CHTOP: variants seen among roughly 807,000 people sequenced by gnomAD.
CHTOP encodes the protein chromatin target of PRMT1 protein.
CHTOP carries 18 observed loss-of-function variants against 33.6 expected under a neutral mutation model. The observed-to-expected ratio is 0.54, with a 90% CI of 0.37 to 0.80. The LOEUF is 0.80. Ranked by LOEUF, CHTOP falls within the 30% of genes least tolerant of loss-of-function variation. The pLI, the probability that CHTOP is intolerant of heterozygous loss-of-function variation, is 0.00. For missense variants in CHTOP, 263 were observed against 336.8 expected (o/e 0.78, Z 1.71); for synonymous variants, 117 against 127.7 (o/e 0.92, Z 0.56).
intron 5 of CHTOP, chr1:153,644,356 A>G (rs2101695119): frequency 6.6e-6 from 1 of 152,350 alleles, no homozygotes; most frequent in East Asian, 1.9e-4. Flanking sequence ...AGGGTGGGAG[A>G]GACTAAAATA....
intron 3 of CHTOP, 69 bp from the exon 4 acceptor site, chr1:153,642,177 C>CT (rs1330562690): frequency 7.3e-7 from 1 of 1,378,568 alleles, no homozygotes; most frequent in Non-Finnish European, 1.0e-6. Context: ...TTTCTCTGCA[C>CT]TTTGAGTTGC....
At chr1:153,635,445 C>G (rs549969945) in intron 1 of CHTOP, among the ~76,000 whole-genome samples, 28 of 152,084 alleles carry the variant, frequency 1.8e-4, no homozygotes, top group Non-Finnish European at 3.2e-4. Context: ...AAGCACCGCG[C>G]CCGCCCTGTC....
chr1:153,644,882 T>C (rs928018671), intron 5 of CHTOP, among the ~76,000 whole-genome samples, 182 bp from the exon 6 acceptor site: 1 of 152,274 alleles, frequency 6.6e-6, no homozygotes, highest in Non-Finnish European at 1.5e-5. Flanking sequence ...GGATTCATTA[T>C]GTGTGCTTTC....
chr1:153,638,390 G>A lies in CHTOP; in HGVS notation c.161G>A (p.Arg54Lys). The change falls in exon 3 of 6, where the codon AGA becomes AAA. Residue 54 changes from arginine to lysine, a missense_variant. By Grantham distance (26) the Arg-to-Lys change is conservative. Coordinates refer to ENST00000368694, the MANE Select transcript of CHTOP (RefSeq NM_015607.4). ...CAGCTAGCCAGTGCCAGAAACAGAAGACTGGCCCAGCAGATGGAGAATAGA... is the reference window on the plus strand; with the variant it reads ...CAGCTAGCCAGTGCCAGAAACAGAAAACTGGCCCAGCAGATGGAGAATAGA... The part of the protein sequence containing the change: ...QQQLASARNR[R>K]LAQQMENRPS... 6.2e-7 allele frequency: 1 copy of A among 1,614,250 alleles called. No individual in the cohort carries two copies. The highest frequency in any genetic ancestry group is 8.5e-7 in the Non-Finnish European group (1 of 1,180,040).
chr1:153,634,822 A>G (rs1266841115), intron 1 of CHTOP, among the ~76,000 whole-genome samples: 1 of 149,748 alleles, frequency 6.7e-6, no homozygotes, highest in Non-Finnish European at 1.5e-5. Context: ...GCATGCATAT[A>G]TATATGTATA....
intron 2 of CHTOP, 65 bp downstream of exon 2, chr1:153,636,718 TCCAATGCACAAAG>T: frequency 7.0e-7 from 1 of 1,420,534 alleles, no homozygotes; most frequent in African/African-American, 1.4e-5. Context: ...GGCCCTGGGG[TCCAATGCACAAAG>T]CCAATTTTAA....
intron 1 of CHTOP, among the ~76,000 whole-genome samples, chr1:153,635,468 T>A (rs560035923): frequency 6.6e-6 from 1 of 151,996 alleles, no homozygotes; most frequent in East Asian, 1.9e-4. Context: ...GCCCTATGTT[T>A]TAAAAGCTCC....
intron 5 of CHTOP, 24 bp from the exon 6 acceptor site, chr1:153,645,034 CTTTTTT>C (rs375941274): frequency 7.1e-7 from 1 of 1,410,228 alleles, no homozygotes. Flanking sequence ...GTAACTGTCT[CTTTTTT>C]TTTTTTTTTC....
intron 4 of CHTOP, 57 bp downstream of exon 4, chr1:153,642,486 G>A (rs1217706582): frequency 7.1e-7 from 1 of 1,412,890 alleles, no homozygotes; most frequent in Admixed American, 2.2e-5. Flanking sequence ...TTTTCTCTTG[G>A]GCTGCTTATG....
chr1:153,642,297 C>T lies in CHTOP; in HGVS notation c.271C>T (p.Pro91Ser). ...KSNIQARLGRPIGALARGAIG... is the reference protein window; with the variant it reads ...KSNIQARLGRSIGALARGAIG... Reference sequence around the variant, plus strand: ...TAACATCCAGGCACGGTTAGGCCGACCCATAGGGGCCCTGGCCAGGGGAGC... The same window carrying T: ...TAACATCCAGGCACGGTTAGGCCGATCCATAGGGGCCCTGGCCAGGGGAGC... The change falls in exon 4 of 6, where the codon CCC becomes TCC. Residue 91 changes from proline to serine, a missense_variant. Coordinates refer to ENST00000368694, the MANE Select transcript of CHTOP (RefSeq NM_015607.4). The T allele has an allele frequency of 6.2e-7, 1 of 1,614,174 alleles. No individual in the cohort carries two copies. The highest frequency in any genetic ancestry group is 8.5e-7 in the Non-Finnish European group (1 of 1,180,022).
intron 3 of CHTOP, chr1:153,639,465 TA>T: frequency 1.1e-6 from 1 of 889,156 alleles, no homozygotes; most frequent in Non-Finnish European, 1.3e-6. Flanking sequence ...AGGGCTTTGG[TA>T]GCATTGCATG....
At chr1:153,636,503 T>G in intron 1 of CHTOP, 69 bp from the exon 2 acceptor site, 2 of 1,303,868 alleles carry the variant, frequency 1.5e-6, no homozygotes, top group Non-Finnish European at 2.2e-6. Flanking sequence ...ATTTTTGGCT[T>G]GGGCCTTGCC....
At chr1:153,636,432 T>G in intron 1 of CHTOP, 140 bp from the exon 2 acceptor site, 1 of 536,842 alleles carries the variant, frequency 1.9e-6, no homozygotes. Flanking sequence ...AAAAGAAATT[T>G]AAGCACTTGA....
intron 2 of CHTOP, chr1:153,637,541 A>G (rs28613361): frequency 0.58 from 88,536 of 151,924 alleles, 26,180 homozygotes; most frequent in East Asian, 0.7. Flanking sequence ...CCAGCTACTC[A>G]GGAGGCTGAG....
intron 5 of CHTOP, chr1:153,644,484 C>T (rs958095684): frequency 1.3e-5 from 2 of 152,458 alleles, no homozygotes; most frequent in Admixed American, 1.3e-4. Context: ...TAGGACAACT[C>T]AAAATATTTT....
At chr1:153,641,773 A>C (rs1264695017) in intron 3 of CHTOP, among the ~76,000 whole-genome samples, 2 of 152,240 alleles carry the variant, frequency 1.3e-5, no homozygotes, top group Non-Finnish European at 2.9e-5. Context: ...TGAACTTGTA[A>C]TTTAAGTTTT....
intron 5 of CHTOP, 26 bp from the exon 6 acceptor site, chr1:153,645,034 CTTTT>C (rs375941274): frequency 1.5e-4 from 205 of 1,408,952 alleles, no homozygotes; most frequent in Non-Finnish European, 1.6e-4. Flanking sequence ...GTAACTGTCT[CTTTT>C]TTTTTTTTTT....
Position 153,642,327 on chromosome 1 carries a change from G to A in CHTOP, c.301G>A (p.Gly101Arg), listed in dbSNP as rs148406634. 2.5e-6 allele frequency: 4 copies of A among 1,614,162 alleles called. No homozygotes were observed. Among genetic ancestry groups the A allele is most frequent in the Non-Finnish European group, 3.4e-6 (4 of 1,180,010 alleles). ...AGGGGCCCTGGCCAGGGGAGCAATC[G>A]GAGGACGAGGCCTACCCATAATCCA... ...PIGALARGAI[G>R]GRGLPIIQRG... Residue 101 changes from glycine (G) to arginine (R), a missense_variant, in exon 4 of 6, where the codon GGA (glycine) becomes AGA (arginine). By Grantham distance (125) the Gly-to-Arg change is moderately radical (BLOSUM62 -2). Around this residue, in one of 3 missense-constraint regions of CHTOP, gnomAD observed 168 missense variants for 179.9 expected, o/e 0.93. Coordinates refer to ENST00000368694, the MANE Select transcript of CHTOP (RefSeq NM_015607.4).
In CHTOP at chr1:153,643,248, G is replaced by C. The variant is rs1668691363; in HGVS notation, c.425G>C (p.Gly142Ala). 1 of 1,614,168 alleles carries C rather than the reference G, an allele frequency of 6.2e-7. No homozygotes were observed. Among genetic ancestry groups the C allele is most frequent in the Non-Finnish European group, 8.5e-7 (1 of 1,180,022 alleles). The change falls in exon 5 of 6, where the codon GGA (glycine) becomes GCA (alanine). Residue 142 changes from glycine (G) to alanine (A), a missense_variant. Coordinates refer to ENST00000368694, the MANE Select transcript of CHTOP (RefSeq NM_015607.4). ...SLRGQNLLRG[G>A]RAVAPRMGLR... The stretch of plus-strand genomic sequence containing the variant: ...TAAGGTCAAAACCTGCTCCGAGGTG[G>C]ACGAGCCGTAGCTCCCCGAATGGGC...
Sources: allele counts gnomAD v4.1 joint callset (sites outside exome capture counted in the v4.1 genomes callset), GRCh38; gene constraint gnomAD v4.1.1; regional missense constraint gnomAD v4.1.1; transcripts MANE v1.5; gene names NCBI Gene and HGNC (gene_info 2026-07-23, HGNC 2026-07-21).